PCDH11X: variants seen among roughly 807,000 people sequenced by gnomAD.
The protein encoded by PCDH11X is protocadherin 11 X-linked, also known as protocadherin-11 X-linked.
Under a neutral mutation model 53.3 loss-of-function variants are expected in PCDH11X, and 18 were observed. The ratio of observed to expected loss-of-function variants is 0.34; its 90% CI spans 0.23 to 0.50. The LOEUF is 0.50. Among genes scored for constraint, PCDH11X ranks in the 20% least tolerant of loss-of-function variants. The probability of loss-of-function intolerance (pLI) is 0.98; values close to 1 mark genes in which losing one functional copy is unlikely to be tolerated. For synonymous variants in PCDH11X, 279 were observed against 393.3 expected (o/e 0.71, Z 3.44); for missense variants, 570 against 1,032.4 (o/e 0.55, Z 6.14).
intron 6 of PCDH11X, among the ~76,000 whole-genome samples, chrX:92,089,538 T>C: frequency 9.0e-6 from 1 of 111,082 alleles, no homozygotes. Context: ...TTTTTTCTTT[T>C]TGAGATGGAG....
chrX:92,197,395 T>C (rs1406924459), intron 6 of PCDH11X, among the ~76,000 whole-genome samples: 1 of 111,947 alleles, frequency 8.9e-6, no homozygotes, highest in African/African-American at 3.2e-5. Context: ...AAAGTTGATA[T>C]TGTTTCAAGG....
intron 6 of PCDH11X, among the ~76,000 whole-genome samples, chrX:92,105,871 A>G (rs1218087836): frequency 9.0e-6 from 1 of 111,592 alleles, no homozygotes; most frequent in Non-Finnish European, 1.9e-5. Context: ...CATATAGTGC[A>G]GGTCACAGGG....
At chrX:92,569,586 CT>C (rs907654274) in intron 10 of PCDH11X, among the ~76,000 whole-genome samples, 1 of 111,387 alleles carries the variant, frequency 9.0e-6, no homozygotes, top group African/African-American at 3.3e-5. Context: ...TGATGTCTTC[CT>C]TTTTTTAACT....
chrX:92,266,697 A>T (rs1233360067), intron 8 of PCDH11X, among the ~76,000 whole-genome samples: 2 of 111,270 alleles, frequency 1.8e-5, no homozygotes, highest in Admixed American at 1.9e-4. Context: ...AACAAATTTC[A>T]ACACATGGCC....
rs182528144 is a variant in PCDH11X at position 91,979,134 on chromosome X, G to T, written c.3033+99861G>T. Among the ~76,000 whole-genome samples, 593 of 110,349 alleles carry T rather than the reference G, an allele frequency of 5.4e-3. 7 individuals are homozygous for T. Among genetic ancestry groups the T allele is most frequent in the African/African-American group, 0.019 (568 of 30,358 alleles). On this transcript the variant is annotated intron_variant, in intron 6 of 10. Coordinates refer to ENST00000682573, the MANE Select transcript of PCDH11X (RefSeq NM_032968.5). ...TATACTAATGACATCATGTTAATAT[G>T]CTTGTAACAAACATGAACAGGGTAT...
intron 6 of PCDH11X, among the ~76,000 whole-genome samples, chrX:92,153,801 C>G (rs933332347): frequency 4.5e-5 from 5 of 110,427 alleles, no homozygotes; most frequent in African/African-American, 1.7e-4. Flanking sequence ...TCTAAGGAAA[C>G]AACAGATGTA....
intron 10 of PCDH11X, among the ~76,000 whole-genome samples, chrX:92,590,103 T>C (rs1195863430): frequency 9.2e-6 from 1 of 108,330 alleles, no homozygotes; most frequent in Non-Finnish European, 1.9e-5. Context: ...AGAGGACAGC[T>C]ATGACCCTCT....
At chrX:91,842,213 G>C (rs1157718167) in intron 5 of PCDH11X, among the ~76,000 whole-genome samples, 2 of 110,437 alleles carry the variant, frequency 1.8e-5, no homozygotes, top group African/African-American at 6.6e-5. Context: ...TAGCCTAATA[G>C]ACCAAATAAA....
chrX:92,584,087 A>C (rs1304783238), intron 10 of PCDH11X, among the ~76,000 whole-genome samples: 4 of 111,501 alleles, frequency 3.6e-5, no homozygotes, highest in African/African-American at 1.3e-4. Context: ...AATTGTAATA[A>C]AAATAAAATA....
intron 6 of PCDH11X, among the ~76,000 whole-genome samples, chrX:92,036,406 TG>T (rs1300896423): frequency 3.7e-5 from 4 of 107,955 alleles, no homozygotes; most frequent in Non-Finnish European, 5.7e-5. Flanking sequence ...GATTGAATTA[TG>T]GGGGCAGGTC....
At chrX:91,932,362 A>G (rs2061396227) in intron 6 of PCDH11X, among the ~76,000 whole-genome samples, 1 of 105,324 alleles carries the variant, frequency 9.5e-6, no homozygotes, top group Non-Finnish European at 1.9e-5. Context: ...AGAAAGGGGG[A>G]GAAAGGGAAA....
intron 1 of PCDH11X, among the ~76,000 whole-genome samples, chrX:91,801,340 A>G (rs1935931801): frequency 9.1e-6 from 1 of 110,257 alleles, no homozygotes; most frequent in Non-Finnish European, 1.9e-5. Flanking sequence ...AGTCAACAAA[A>G]AAGAGGGTCT....
At chrX:91,843,909 G>A (rs1236769677) in intron 5 of PCDH11X, among the ~76,000 whole-genome samples, 1 of 111,043 alleles carries the variant, frequency 9.0e-6, no homozygotes, top group Non-Finnish European at 1.9e-5. Flanking sequence ...AATTACCTAA[G>A]TCTTTCTATT....
chrX:92,249,827 G>A (rs2067423707), intron 7 of PCDH11X, among the ~76,000 whole-genome samples: 1 of 111,348 alleles, frequency 9.0e-6, no homozygotes, highest in Admixed American at 9.6e-5. Context: ...CCAAGATGCA[G>A]GATTCGTAAA....
intron 1 of PCDH11X, among the ~76,000 whole-genome samples, chrX:91,806,074 A>T (rs1393672045): frequency 1.8e-5 from 2 of 113,021 alleles, no homozygotes; most frequent in African/African-American, 6.4e-5. Context: ...CTTGGTTTAA[A>T]TTGACTGCCT....
intron 6 of PCDH11X, among the ~76,000 whole-genome samples, chrX:92,135,465 A>G (rs1468494654): frequency 1.8e-5 from 2 of 110,746 alleles, no homozygotes; most frequent in South Asian, 7.7e-4. Context: ...ACAGTAAAAG[A>G]TTCTATGTGG....
intron 6 of PCDH11X, among the ~76,000 whole-genome samples, chrX:91,968,074 G>A (rs926466996): frequency 9.0e-6 from 1 of 111,693 alleles, no homozygotes; most frequent in African/African-American, 3.3e-5. Context: ...GTTTTGAGTA[G>A]TGCAGTGAAT....
At chrX:92,239,970 A>G (rs778827024) in intron 7 of PCDH11X, among the ~76,000 whole-genome samples, 1 of 112,409 alleles carries the variant, frequency 8.9e-6, no homozygotes, top group South Asian at 3.7e-4. Context: ...AAATAATTTT[A>G]CAGTGAATAA....
chrX:92,344,803 CA>C (rs2069850305), intron 8 of PCDH11X, among the ~76,000 whole-genome samples: 1 of 108,837 alleles, frequency 9.2e-6, no homozygotes, highest in Non-Finnish European at 1.9e-5. Flanking sequence ...GGGCCAATGA[CA>C]GAAGTAATAG....
Sources: allele counts gnomAD v4.1 joint callset (sites outside exome capture counted in the v4.1 genomes callset), GRCh38; gene constraint gnomAD v4.1.1; transcripts MANE v1.5; gene names NCBI Gene and HGNC (gene_info 2026-07-23, HGNC 2026-07-21).